The following ARFGEF3 variants were observed in gnomAD, a reference collection of about 807,000 sequenced individuals.
ARFGEF3 encodes brefeldin A-inhibited guanine nucleotide-exchange protein 3.
Under a neutral mutation model 221.7 loss-of-function variants are expected in ARFGEF3, and 96 were observed. The observed-to-expected ratio is 0.43, with a 90% CI of 0.37 to 0.51. ARFGEF3 has a LOEUF of 0.51. ARFGEF3 is among the 20% of genes least tolerant of loss of function. ARFGEF3 has a pLI of 0.00. For missense variants in ARFGEF3, 2,410 were observed against 2,789.9 expected (o/e 0.86, Z 3.07); for synonymous variants, 1,145 against 1,126.8 (o/e 1.02, Z -0.32).
intron 5 of ARFGEF3, among the ~76,000 whole-genome samples, chr6:138,236,607 T>C (rs970349590): frequency 1.3e-5 from 2 of 152,156 alleles, no homozygotes; most frequent in Non-Finnish European, 2.9e-5. Context: ...GCTGGGACTA[T>C]AGGCGTGCAC....
chr6:138,222,648 C>T (rs555280628), intron 4 of ARFGEF3, among the ~76,000 whole-genome samples: 18 of 151,982 alleles, frequency 1.2e-4, no homozygotes, highest in Admixed American at 1.1e-3. Context: ...GTCTAACATG[C>T]GAATAGTGCT....
chr6:138,258,934 T>C (rs1461464088), intron 10 of ARFGEF3, among the ~76,000 whole-genome samples: 2 of 152,368 alleles, frequency 1.3e-5, no homozygotes, highest in Middle Eastern at 3.4e-3. Flanking sequence ...AAATGTGTTT[T>C]AAATAATTTC....
At chr6:138,189,247 G>A (rs995603382) in intron 2 of ARFGEF3, among the ~76,000 whole-genome samples, 2 of 152,198 alleles carry the variant, frequency 1.3e-5, no homozygotes, top group African/African-American at 4.8e-5. Context: ...GTGAAAAAAG[G>A]TAATGTCAGG....
Position 138,324,121 on chromosome 6 carries a change from C to T in ARFGEF3, c.4968C>T (p.Ala1656=), listed in dbSNP as rs74871684. Residue 1656 remains alanine (A), a synonymous_variant, in exon 31 of 34, where the codon GCC becomes GCT. Coordinates refer to ENST00000251691, the MANE Select transcript of ARFGEF3 (RefSeq NM_020340.5). The part of the protein sequence containing the change: ...AAPSSSPSAE[A]EYWRIRAMAQ... Reference sequence around the variant, plus strand: ...CGTCCTCCTCCCCAAGTGCCGAGGCCGAGTACTGGCGCATCCGAGCCATGG... The same window carrying T: ...CGTCCTCCTCCCCAAGTGCCGAGGCTGAGTACTGGCGCATCCGAGCCATGG... 2.4e-4 allele frequency: 393 copies of T among 1,613,744 alleles called. 2 individuals are homozygous for T. The African/African-American group carries it at 4.5e-3, about 19-fold the overall frequency.
chr6:138,239,142 TTGTCTAAA>T (rs1778347475), intron 6 of ARFGEF3, among the ~76,000 whole-genome samples: 1 of 152,148 alleles, frequency 6.6e-6, no homozygotes, highest in South Asian at 2.1e-4. Flanking sequence ...CTTGAACAGA[TTGTCTAAA>T]GTGAGCATTC....
chr6:138,201,674 A>T (rs957011112), intron 2 of ARFGEF3, among the ~76,000 whole-genome samples: 2 of 152,186 alleles, frequency 1.3e-5, no homozygotes, highest in Non-Finnish European at 2.9e-5. Flanking sequence ...CTTGAGGGGA[A>T]GAGTGGAAGG....
At chr6:138,247,309 C>T (rs1778501606) in intron 8 of ARFGEF3, among the ~76,000 whole-genome samples, 1 of 152,164 alleles carries the variant, frequency 6.6e-6, no homozygotes, top group Non-Finnish European at 1.5e-5. Context: ...GCAGCGACCC[C>T]ATCTGTAAGG....
At chr6:138,216,844 T>A (rs1777873811) in intron 4 of ARFGEF3, 1 of 152,242 alleles carries the variant, frequency 6.6e-6, no homozygotes, top group Non-Finnish European at 1.5e-5. Context: ...ACATATTGTT[T>A]GTGCAGTTAA....
intron 8 of ARFGEF3, among the ~76,000 whole-genome samples, chr6:138,251,559 T>C (rs1778583405): frequency 6.6e-6 from 1 of 152,166 alleles, no homozygotes; most frequent in Non-Finnish European, 1.5e-5. Context: ...TACCTCCAGA[T>C]AAAGTTCCAG....
rs548884919 is a variant in ARFGEF3, at chr6:138,209,481, G to C, written c.220-429G>C. On this transcript the variant is annotated intron_variant, in intron 3 of 33. Coordinates refer to ENST00000251691, the MANE Select transcript of ARFGEF3 (RefSeq NM_020340.5). Reference sequence around the variant, plus strand: ...TTATTTTCTTTAGAGACAGAGTCTTGCTCTGTCTCCCAGGCTGGAGTGCAG... The same window carrying C: ...TTATTTTCTTTAGAGACAGAGTCTTCCTCTGTCTCCCAGGCTGGAGTGCAG... Among the ~76,000 whole-genome samples the C allele has an allele frequency of 7.9e-5, 12 of 152,252 alleles. No homozygotes were observed. In the South Asian group the frequency reaches 2.3e-3, roughly 29 times the overall value.
chr6:138,213,923 G>A (rs945182772), intron 4 of ARFGEF3, among the ~76,000 whole-genome samples: 9 of 152,148 alleles, frequency 5.9e-5, no homozygotes, highest in Admixed American at 6.5e-5. Flanking sequence ...ACCTGACTTT[G>A]ATAGGTCACA....
chr6:138,285,454 CAAAAAAA>C (rs5880380), intron 14 of ARFGEF3, among the ~76,000 whole-genome samples: 2 of 81,212 alleles, frequency 2.5e-5, no homozygotes, highest in African/African-American at 8.1e-5. Context: ...ACTCCCGTCT[CAAAAAAA>C]AAAAAAAAAA....
rs748504617 is a variant in ARFGEF3 at position 138,334,261 on chromosome 6, C to T, written c.5415C>T (p.Asn1805=). ...TGTCTGGCATCGGGGGCGCCGCCAA[C>T]CTCTACCGCCAGTCTGCGATGAGCT... ...KKVSGIGGAA[N]LYRQSAMSFN... Residue 1805 remains asparagine (N), a synonymous_variant, in exon 33 of 34, where the codon AAC becomes AAT. Coordinates refer to ENST00000251691, the MANE Select transcript of ARFGEF3 (RefSeq NM_020340.5). The surrounding 1 kb of genome is among the most constrained non-coding windows in gnomAD (Gnocchi z 5.1). 3 of 1,613,708 alleles carry T rather than the reference C, an allele frequency of 1.9e-6. No individual in the cohort carries two copies. The highest frequency in any genetic ancestry group is 1.7e-6 in the Non-Finnish European group (2 of 1,179,820).
chr6:138,324,065 G>A lies in ARFGEF3; in HGVS notation c.4912G>A (p.Gly1638Arg), dbSNP rs757218803. The change falls in exon 31 of 34, where the codon GGG (glycine) becomes AGG (arginine). Residue 1638 changes from glycine (G) to arginine (R), a missense_variant. Coordinates refer to ENST00000251691, the MANE Select transcript of ARFGEF3 (RefSeq NM_020340.5). Reference sequence around the variant, plus strand: ...CCACAGCGGCACGGAGAGCTTCAGCGGGGAAGGCTGCCAGGTGCGAGTGGC... The same window carrying A: ...CCACAGCGGCACGGAGAGCTTCAGCAGGGAAGGCTGCCAGGTGCGAGTGGC... ...CFHSGTESFS[G>R]EGCQVRVAAP... 18 of 1,613,790 alleles carry A rather than the reference G, an allele frequency of 1.1e-5. No homozygotes were observed. The highest frequency in any genetic ancestry group is 1.6e-4 in the Middle Eastern group (1 of 6,082).
intron 12 of ARFGEF3, among the ~76,000 whole-genome samples, chr6:138,275,225 C>T (rs1033331348): frequency 3.1e-4 from 47 of 152,152 alleles, no homozygotes; most frequent in Non-Finnish European, 5.4e-4. Context: ...AAAATTTCTG[C>T]AGTTTTTTAT....
intron 12 of ARFGEF3, among the ~76,000 whole-genome samples, chr6:138,270,457 C>CACACAT (rs1778983740): frequency 7.6e-6 from 1 of 132,096 alleles, no homozygotes; most frequent in Non-Finnish European, 1.5e-5. Flanking sequence ...CACACACACA[C>CACACAT]ACACACATAT....
chr6:138,164,062 T>C (rs925607654), intron 1 of ARFGEF3, among the ~76,000 whole-genome samples: 4 of 152,132 alleles, frequency 2.6e-5, no homozygotes, highest in African/African-American at 9.7e-5. Context: ...CAATGGGATA[T>C]ATGGATGAAT....
chr6:138,278,508 T>A lies in ARFGEF3; in HGVS notation c.2186T>A (p.Met729Lys). The change falls in exon 13 of 34, where the codon ATG (methionine) becomes AAG (lysine). Residue 729 changes from methionine to lysine, a missense_variant. Transcript: ENST00000251691. The stretch of plus-strand genomic sequence containing the variant: ...AGCAGCCTCAGCTTCCAGATGCTGA[T>A]GAACGCAGACAGCCTCTACACAGCT... ...GNSSLSFQML[M>K]NADSLYTAAH... is the part of the protein sequence containing the mutation. 6.2e-7 allele frequency: 1 copy of A among 1,613,968 alleles called. No homozygotes were observed. Among genetic ancestry groups the A allele is most frequent in the Non-Finnish European group, 8.5e-7 (1 of 1,179,858 alleles).
At chr6:138,174,625 G>T (rs1267249252) in intron 2 of ARFGEF3, among the ~76,000 whole-genome samples, 1 of 151,090 alleles carries the variant, frequency 6.6e-6, no homozygotes, top group Non-Finnish European at 1.5e-5. Flanking sequence ...ACTATCTCTT[G>T]CATTCTTCTG....
Sources: gnomAD v4.1 joint callset for allele counts (sites outside exome capture counted in the v4.1 genomes callset) on GRCh38, gnomAD v4.1.1 for gene constraint, Gnocchi (gnomAD v3.1) non-coding constraint, MANE v1.5 for transcripts, NCBI Gene and HGNC (gene_info 2026-07-23, HGNC 2026-07-21) for gene names.